The following C5 variants were observed in gnomAD, a reference collection of about 807,000 sequenced individuals.
C5 encodes the protein C3 and PZP-like alpha-2-macroglobulin domain-containing protein 4.
In C5, 140 loss-of-function variants were observed where a neutral mutation model predicts 218.8. The ratio of observed to expected loss-of-function variants is 0.64; its 90% CI spans 0.56 to 0.74. The LOEUF (loss-of-function observed/expected upper bound fraction) is 0.74. Among genes scored for constraint, C5 ranks in the 30% least tolerant of loss-of-function variants. C5 has a pLI of 0.00. For missense variants in C5, 1,700 were observed against 1,969.6 expected (o/e 0.86, Z 2.59); for synonymous variants, 614 against 682.3 (o/e 0.90, Z 1.56).
intron 1 of C5, among the ~76,000 whole-genome samples, chr9:121,049,969 T>G (rs1463209985): frequency 6.6e-6 from 1 of 152,230 alleles, no homozygotes; most frequent in Non-Finnish European, 1.5e-5. Flanking sequence ...AACGTAAATT[T>G]TAATAAATAA....
chr9:121,044,634 T>C (rs1255228060), intron 2 of C5, among the ~76,000 whole-genome samples: 1 of 152,222 alleles, frequency 6.6e-6, no homozygotes, highest in African/African-American at 2.4e-5. Context: ...AGATACATGA[T>C]ATTGCTATGA....
intron 15 of C5, 88 bp downstream of exon 15, chr9:121,016,166 C>T: frequency 6.6e-7 from 1 of 1,512,098 alleles, no homozygotes; most frequent in South Asian, 1.1e-5. Context: ...GATCAGGGTA[C>T]AGAATATTTG....
rs2047495335 is a variant in C5, at chr9:121,033,464, GAGCCAGGTGA to G, written c.585-1279_585-1270del. Among the ~76,000 whole-genome samples the G allele has an allele frequency of 2.0e-5, 3 of 152,342 alleles. No homozygotes were observed. The East Asian group carries it at 5.8e-4, about 29-fold the overall frequency. On this transcript the variant is annotated intron_variant, in intron 5 of 40. Transcript: ENST00000223642. ...AATGAAAAGAAGCCAGGCTTATGAA[GAGCCAGGTGA>G]AGCCCATTCCAAGTAGAGGGGATGA...
the C5 span, among the ~76,000 whole-genome samples, chr9:121,073,901 CAGAG>C: frequency 6.6e-6 from 1 of 151,978 alleles, no homozygotes; most frequent in Non-Finnish European, 1.5e-5. Flanking sequence ...AACTGAGACA[CAGAG>C]AGAGAGGGAG....
intron 33 of C5, among the ~76,000 whole-genome samples, chr9:120,967,726 T>A (rs2131677403): frequency 6.6e-6 from 1 of 151,990 alleles, no homozygotes; most frequent in African/African-American, 2.4e-5. Context: ...TCTTTTTCTT[T>A]TTTTTTTTAT....
At chr9:121,057,554 A>G in the C5 span, among the ~76,000 whole-genome samples, 1 of 152,146 alleles carries the variant, frequency 6.6e-6, no homozygotes, top group Non-Finnish European at 1.5e-5. Flanking sequence ...AAGTTGTTAT[A>G]AGTCTAAAAT....
rs910534096 is a variant in C5, at chr9:120,982,510, A to G, written c.3390+145T>C. 11 of 650,688 alleles carry G rather than the reference A, an allele frequency of 1.7e-5. No homozygotes were observed. In the Admixed American group the frequency reaches 2.9e-4, roughly 17 times the overall value. 40.3% of individuals were successfully genotyped at this position (650,688 alleles called of 1,614,324 possible). On this transcript the variant is annotated intron_variant, in intron 26 of 40. Coordinates refer to ENST00000223642, the MANE Select transcript of C5 (RefSeq NM_001735.3). ...CTTCACTTCAGATATTATGGGAAAGACCTTTGTATATTTTGCTTGTTCACA... is the reference window on the plus strand; with the variant it reads ...CTTCACTTCAGATATTATGGGAAAGGCCTTTGTATATTTTGCTTGTTCACA...
chr9:121,015,225 G>A lies in C5; in HGVS notation c.2033C>T (p.Thr678Met), dbSNP rs138509814. The part of the protein sequence containing the change: ...PCKEILRPRR[T>M]LQKKIEEIAA... The stretch of plus-strand genomic sequence containing the variant: ...TATTTCTTCTATCTTCTTTTGCAGC[G>A]TTCTTCTTGGCCTGAGAATTTCTTT... The change falls in exon 16 of 41, where the codon ACG becomes ATG. Residue 678 changes from threonine to methionine, a missense_variant. Coordinates refer to ENST00000223642, the MANE Select transcript of C5 (RefSeq NM_001735.3). 122 of 1,606,432 alleles carry A rather than the reference G, an allele frequency of 7.6e-5. No individual in the cohort carries two copies. The highest frequency in any genetic ancestry group is 3.3e-4 in the Middle Eastern group (2 of 6,040).
chr9:121,057,307 CAG>C, the C5 span, among the ~76,000 whole-genome samples: 19 of 152,044 alleles, frequency 1.2e-4, no homozygotes, highest in Admixed American at 1.2e-3. Context: ...AATAATTACA[CAG>C]AGAAATACAG....
chr9:121,018,790 GAAGGAAGGAAGA>G (rs1470847141), intron 12 of C5, among the ~76,000 whole-genome samples: 4 of 141,274 alleles, frequency 2.8e-5, no homozygotes, highest in Admixed American at 6.9e-5. Context: ...AGGAAGGAAG[GAAGGAAGGAAGA>G]AAGAGTGAGT....
At chr9:120,963,213 G>T (rs1009760904) in intron 34 of C5, among the ~76,000 whole-genome samples, 11 of 152,128 alleles carry the variant, frequency 7.2e-5, no homozygotes, top group African/African-American at 2.7e-4. Context: ...GTTTTGAAAA[G>T]AATATTCTGG....
At chr9:120,954,450 C>T (rs891020855) in intron 39 of C5, among the ~76,000 whole-genome samples, 5 of 152,214 alleles carry the variant, frequency 3.3e-5, no homozygotes, top group Non-Finnish European at 7.3e-5. Flanking sequence ...ATGCATTCCT[C>T]CCCATGTTGG....
intron 7 of C5, 102 bp downstream of exon 7, chr9:121,030,295 T>C (rs2047462699): frequency 3.1e-6 from 2 of 647,134 alleles, no homozygotes; most frequent in Non-Finnish European, 5.4e-6. Context: ...TGGCACACTT[T>C]GATAATAAAT....
Position 120,997,742 on chromosome 9 carries a change from G to C in C5, c.2595C>G (p.Ile865Met). The C allele has an allele frequency of 6.2e-7, 1 of 1,613,966 alleles. No homozygotes were observed. The highest frequency in any genetic ancestry group is 1.7e-4 in the Middle Eastern group (1 of 5,972). Residue 865 changes from isoleucine to methionine, a missense_variant, in exon 21 of 41, where the codon ATC becomes ATG. By Grantham distance (10) the Ile-to-Met change is conservative. Coordinates refer to ENST00000223642, the MANE Select transcript of C5 (RefSeq NM_001735.3). ...CAATGACTGGGCTTTCCGAAGTGCA[G>C]ATTCCCTCCACAGCAGACATTTTAA... ...FCVKMSAVEG[I>M]CTSESPVIDH...
At position 121,012,594 on chromosome 9, in the gene C5, A is replaced by G. The variant is rs546063106; in HGVS notation, c.2257+1279T>C. Among the ~76,000 whole-genome samples, 300 of 152,318 alleles carry G rather than the reference A, an allele frequency of 2.0e-3. 1 individual carries two copies. Among genetic ancestry groups the G allele is most frequent in the African/African-American group, 6.9e-3 (288 of 41,566 alleles). On this transcript the variant is annotated intron_variant, in intron 17 of 40. Coordinates refer to ENST00000223642, the MANE Select transcript of C5 (RefSeq NM_001735.3). ...AGACACTGTACATCTCAATGAATAT[A>G]TTTCTACAAACATAAATTTTGTGGC...
In C5 at chr9:120,963,661, C is replaced by T; in HGVS notation, c.4298G>A (p.Ser1433Asn). Residue 1433 changes from serine to asparagine, a missense_variant, in exon 34 of 41, where the codon AGT (serine) becomes AAT (asparagine). Physicochemically the swap from Ser to Asn is conservative, Grantham distance 46. Coordinates refer to ENST00000223642, the MANE Select transcript of C5 (RefSeq NM_001735.3). The part of the protein sequence containing the change: ...VMDISLPTGI[S>N]ANEEDLKALV... ...GGCTTTTAAGTCTTCTTCATTTGCA[C>T]TGATTCCAGTAGGCAAGGAGATGTC... 6.2e-7 allele frequency: 1 copy of T among 1,613,438 alleles called. No homozygotes were observed. The highest frequency in any genetic ancestry group is 8.5e-7 in the Non-Finnish European group (1 of 1,179,440).
At chr9:120,998,663 TC>T (rs1416057725) in intron 20 of C5, among the ~76,000 whole-genome samples, 1 of 152,214 alleles carries the variant, frequency 6.6e-6, no homozygotes, top group African/African-American at 2.4e-5. Context: ...TTGGCATTCC[TC>T]TTATTAACTG....
Position 120,981,901 on chromosome 9 carries a change from A to G in C5, c.3429T>C (p.Tyr1143=), listed in dbSNP as rs1361768847. 8 of 1,614,078 alleles carry G rather than the reference A, an allele frequency of 5.0e-6. No individual in the cohort carries two copies. Among genetic ancestry groups the G allele is most frequent in the Non-Finnish European group, 6.8e-6 (8 of 1,179,948 alleles). ...LPVEARENSL[Y]LTAFTVIGIR... Reference sequence around the variant, plus strand: ...TTCCAATCACAGTAAAGGCTGTAAGATATAAGCTGTTCTCTCGGGCTTCAA... The same window carrying G: ...TTCCAATCACAGTAAAGGCTGTAAGGTATAAGCTGTTCTCTCGGGCTTCAA... The change falls in exon 27 of 41, where the codon TAT becomes TAC. Residue 1143 remains tyrosine, a synonymous_variant. Coordinates refer to ENST00000223642, the MANE Select transcript of C5 (RefSeq NM_001735.3).
At position 120,974,769 on chromosome 9, in the gene C5, C is replaced by A. The variant is rs1485311923; in HGVS notation, c.4017+10G>T. On this transcript the variant is annotated intron_variant, in intron 30 of 40. Coordinates refer to ENST00000223642, the MANE Select transcript of C5 (RefSeq NM_001735.3). Reference sequence around the variant, plus strand: ...CAATTGTAAAATACTACAGAAAGTTCTTCATTTACCTCTACTGGCCTCCCA... The same window carrying A: ...CAATTGTAAAATACTACAGAAAGTTATTCATTTACCTCTACTGGCCTCCCA... 1.2e-6 allele frequency: 2 copies of A among 1,610,612 alleles called. No individual in the cohort carries two copies. The highest frequency in any genetic ancestry group is 1.1e-5 in the South Asian group (1 of 91,016).
Sources: allele counts gnomAD v4.1 joint callset (sites outside exome capture counted in the v4.1 genomes callset), GRCh38; gene constraint gnomAD v4.1.1; transcripts MANE v1.5; gene names NCBI Gene and HGNC (gene_info 2026-07-23, HGNC 2026-07-21).